The following SEMA3A variants were observed in gnomAD, a reference collection of about 807,000 sequenced individuals.
SEMA3A encodes semaphorin 3A.
Under a neutral mutation model 97.9 loss-of-function variants are expected in SEMA3A, and 29 were observed. The ratio of observed to expected loss-of-function variants is 0.30; its 90% CI spans 0.22 to 0.40. The LOEUF is 0.40. Among genes scored for constraint, SEMA3A ranks in the 10% least tolerant of loss-of-function variants. SEMA3A has a pLI of 1.00. For missense variants in SEMA3A, 763 were observed against 951.3 expected (o/e 0.80, Z 2.60); for synonymous variants, 321 against 323.7 (o/e 0.99, Z 0.09).
intron 3 of SEMA3A, among the ~76,000 whole-genome samples, chr7:84,220,199 T>C (rs369151155): frequency 6.6e-6 from 1 of 152,204 alleles, no homozygotes; most frequent in Non-Finnish European, 1.5e-5. Flanking sequence ...CCACTTTCTT[T>C]CTTCGTAGGA....
intron 1 of SEMA3A, among the ~76,000 whole-genome samples, chr7:84,174,716 T>A (rs554754010): frequency 6.6e-6 from 1 of 152,274 alleles, no homozygotes; most frequent in South Asian, 2.1e-4. Flanking sequence ...AATAAAGAGA[T>A]AGAACAAATG....
At chr7:84,022,818 G>T (rs1791376252) in intron 6 of SEMA3A, among the ~76,000 whole-genome samples, 1 of 152,094 alleles carries the variant, frequency 6.6e-6, no homozygotes, top group Non-Finnish European at 1.5e-5. Context: ...ATGCCTTTGG[G>T]GAAGAAACTT....
At chr7:84,051,336 C>T (rs1029104180) in intron 5 of SEMA3A, among the ~76,000 whole-genome samples, 5 of 152,108 alleles carry the variant, frequency 3.3e-5, no homozygotes, top group Admixed American at 3.3e-4. Flanking sequence ...TTCTTCCTAC[C>T]CATGAGCATG....
chr7:84,192,047 G>C (rs1798058787), intron 1 of SEMA3A, among the ~76,000 whole-genome samples: 1 of 151,854 alleles, frequency 6.6e-6, no homozygotes, highest in South Asian at 2.1e-4. Flanking sequence ...CTTCATCTTG[G>C]CAACCTGAGC....
intron 1 of SEMA3A, among the ~76,000 whole-genome samples, chr7:84,143,609 A>C (rs1796364688): frequency 7.0e-6 from 1 of 142,880 alleles, no homozygotes; most frequent in African/African-American, 2.6e-5. Context: ...TAATCCCAGC[A>C]CTTTTGGAGG....
intron 3 of SEMA3A, among the ~76,000 whole-genome samples, chr7:84,118,711 T>A (rs1274452458): frequency 6.6e-6 from 1 of 152,178 alleles, no homozygotes; most frequent in Admixed American, 6.5e-5. Context: ...AGTTTGTGAT[T>A]GTGGGTCTCA....
At chr7:84,161,650 A>G (rs1006131308) in intron 1 of SEMA3A, among the ~76,000 whole-genome samples, 2 of 152,106 alleles carry the variant, frequency 1.3e-5, no homozygotes, top group African/African-American at 4.8e-5. Context: ...GAATGTCTTG[A>G]TTTATGGAGA....
chr7:84,078,009 C>A (rs1483551723), intron 4 of SEMA3A, among the ~76,000 whole-genome samples: 2 of 151,902 alleles, frequency 1.3e-5, no homozygotes, highest in African/African-American at 4.8e-5. Flanking sequence ...ATTGTGGAAG[C>A]AACATGAAAT....
intron 1 of SEMA3A, among the ~76,000 whole-genome samples, chr7:84,431,450 A>T (rs1020123331): frequency 6.6e-6 from 1 of 151,976 alleles, no homozygotes; most frequent in African/African-American, 2.4e-5. Flanking sequence ...ATGCTTTGCC[A>T]AGCTTAGAAT....
At chr7:84,468,933 T>A (rs1459158843) in intron 1 of SEMA3A, among the ~76,000 whole-genome samples, 1 of 150,268 alleles carries the variant, frequency 6.7e-6, no homozygotes, top group Non-Finnish European at 1.5e-5. Flanking sequence ...TATAGTTAAC[T>A]ATATATAGTA....
intron 3 of SEMA3A, among the ~76,000 whole-genome samples, chr7:84,268,014 C>T (rs183074517): frequency 3.7e-4 from 57 of 152,118 alleles, no homozygotes; most frequent in Admixed American, 3.7e-3. Context: ...ATTAGGATAG[C>T]TATGAAAATG....
At chr7:84,330,869 A>G (rs1801894820) in intron 2 of SEMA3A, among the ~76,000 whole-genome samples, 1 of 152,148 alleles carries the variant, frequency 6.6e-6, no homozygotes, top group Non-Finnish European at 1.5e-5. Flanking sequence ...TGAAAAGTAT[A>G]GAAATGGATT....
chr7:84,039,059 T>C (rs1248072916), intron 6 of SEMA3A, among the ~76,000 whole-genome samples: 1 of 152,054 alleles, frequency 6.6e-6, no homozygotes, highest in Non-Finnish European at 1.5e-5. Context: ...CCAGAGTTGT[T>C]TGTTGTATCA....
chr7:84,425,433 A>T (rs2116300864), intron 1 of SEMA3A, among the ~76,000 whole-genome samples: 1 of 128,500 alleles, frequency 7.8e-6, no homozygotes, highest in Non-Finnish European at 1.6e-5. Flanking sequence ...ATGAATATAA[A>T]TATAGGCATA....
At chr7:84,032,750 AAAT>A (rs1482399010) in intron 6 of SEMA3A, among the ~76,000 whole-genome samples, 1 of 151,804 alleles carries the variant, frequency 6.6e-6, no homozygotes, top group East Asian at 1.9e-4. Flanking sequence ...TATTGAAAAT[AAAT>A]AATAATTATT....
intron 1 of SEMA3A, among the ~76,000 whole-genome samples, chr7:84,172,404 G>A (rs535481960): frequency 5.9e-5 from 9 of 151,934 alleles, no homozygotes; most frequent in Admixed American, 3.9e-4. Context: ...TTTTGATTTT[G>A]CTTTCAGCCA....
intron 2 of SEMA3A, among the ~76,000 whole-genome samples, chr7:84,331,979 C>G (rs1801920455): frequency 6.6e-6 from 1 of 152,116 alleles, no homozygotes; most frequent in Admixed American, 6.6e-5. Context: ...TGAATGAGCA[C>G]ATCAATCTAA....
At chr7:84,026,192 C>G (rs1791537572) in intron 6 of SEMA3A, among the ~76,000 whole-genome samples, 1 of 152,142 alleles carries the variant, frequency 6.6e-6, no homozygotes, top group African/African-American at 2.4e-5. Flanking sequence ...TCACGAACAT[C>G]ACTGTGGTGT....
intron 4 of SEMA3A, among the ~76,000 whole-genome samples, chr7:84,067,460 G>T (rs903857391): frequency 6.6e-6 from 1 of 151,436 alleles, no homozygotes; most frequent in Non-Finnish European, 1.5e-5. Flanking sequence ...CACAGCAAAA[G>T]AAACTACCAT....
Sources: allele counts gnomAD v4.1 joint callset (sites outside exome capture counted in the v4.1 genomes callset), GRCh38; gene constraint gnomAD v4.1.1; transcripts MANE v1.5; gene names NCBI Gene and HGNC (gene_info 2026-07-23, HGNC 2026-07-21).